Variants in SNX4 observed in about 807,000 individuals in gnomAD.
The protein encoded by SNX4 is sorting nexin 4.
Under a neutral mutation model 70.8 loss-of-function variants are expected in SNX4, and 49 were observed. That is an observed-to-expected ratio of 0.69 (90% CI 0.55 to 0.88). The LOEUF is 0.88. Among genes scored for constraint, SNX4 ranks in the 40% least tolerant of loss-of-function variants. The pLI, the probability that SNX4 is intolerant of heterozygous loss-of-function variation, is 0.00. For missense variants in SNX4, 528 were observed against 544.8 expected (o/e 0.97, Z 0.31); for synonymous variants, 206 against 183.8 (o/e 1.12, Z -0.98).
At chr3:125,451,068 C>A (rs1262512962) in intron 13 of SNX4, among the ~76,000 whole-genome samples, 1 of 151,956 alleles carries the variant, frequency 6.6e-6, no homozygotes, top group Non-Finnish European at 1.5e-5. Context: ...GAGTTCGAGA[C>A]CAGCCTGGGC....
Position 125,497,340 on chromosome 3 carries a change from C to T in SNX4, c.597+1G>A, listed in dbSNP as rs778873657. The T allele has an allele frequency of 1.2e-6, 2 of 1,602,478 alleles. No homozygotes were observed. Among genetic ancestry groups the T allele is most frequent in the Non-Finnish European group, 1.7e-6 (2 of 1,170,670 alleles). On this transcript the variant is annotated splice_donor_variant, in intron 5 of 13. Coordinates refer to ENST00000251775, the MANE Select transcript of SNX4 (RefSeq NM_003794.4). LOFTEE classifies it high-confidence loss of function. ...GGCAAATTTCATATAAATATTCTTACCTTCAGCTGAAACCCAGTTTCATTC... is the reference window on the plus strand; with the variant it reads ...GGCAAATTTCATATAAATATTCTTATCTTCAGCTGAAACCCAGTTTCATTC...
At chr3:125,475,768 G>T (rs985222276) in intron 8 of SNX4, among the ~76,000 whole-genome samples, 6 of 152,210 alleles carry the variant, frequency 3.9e-5, no homozygotes, top group Admixed American at 3.9e-4. Flanking sequence ...CCTGAGCTCA[G>T]GAGGTCAAGA....
intron 9 of SNX4, among the ~76,000 whole-genome samples, chr3:125,465,859 T>G (rs1182899583): frequency 6.6e-6 from 1 of 152,110 alleles, no homozygotes; most frequent in East Asian, 1.9e-4. Flanking sequence ...GCCAGCCTGG[T>G]CTCAAACTCC....
At chr3:125,470,831 G>GT (rs1934151523) in intron 8 of SNX4, among the ~76,000 whole-genome samples, 1 of 152,086 alleles carries the variant, frequency 6.6e-6, no homozygotes, top group Admixed American at 6.6e-5. Flanking sequence ...ACGAGACTTT[G>GT]TTTAAACATA....
At chr3:125,448,328 T>A (rs979667041) in intron 13 of SNX4, among the ~76,000 whole-genome samples, 2 of 150,316 alleles carry the variant, frequency 1.3e-5, no homozygotes, top group African/African-American at 4.9e-5. Context: ...AGAAATGGAA[T>A]CTCACTATGT....
intron 2 of SNX4, among the ~76,000 whole-genome samples, chr3:125,501,862 A>C (rs1397295524): frequency 6.6e-6 from 1 of 152,218 alleles, no homozygotes; most frequent in Non-Finnish European, 1.5e-5. Flanking sequence ...ATCTACTTAA[A>C]TATGTATTCA....
At chr3:125,456,391 T>C (rs548998009) in intron 11 of SNX4, among the ~76,000 whole-genome samples, 1 of 152,280 alleles carries the variant, frequency 6.6e-6, no homozygotes, top group South Asian at 2.1e-4. Flanking sequence ...CTAGGCATGG[T>C]GGCTTACCCC....
At position 125,461,513 on chromosome 3, in the gene SNX4, A is replaced by C. The variant is rs370138185; in HGVS notation, c.855-653T>G. 2.6e-5 allele frequency among the ~76,000 whole-genome samples: 4 copies of C among 152,366 alleles called. No homozygotes were observed. In the East Asian group the frequency reaches 7.7e-4, roughly 29 times the overall value. On this transcript the variant is annotated intron_variant, in intron 9 of 13. Transcript: ENST00000251775. ...GTTCAAAGACATACATAAAAGGGCTACAAAATCTGTAGAAAGAATAAGAGT... is the reference window on the plus strand; with the variant it reads ...GTTCAAAGACATACATAAAAGGGCTCCAAAATCTGTAGAAAGAATAAGAGT...
intron 2 of SNX4, among the ~76,000 whole-genome samples, chr3:125,503,381 G>A (rs28636934): frequency 6.6e-6 from 1 of 152,082 alleles, no homozygotes; most frequent in Non-Finnish European, 1.5e-5. Flanking sequence ...CCTTTCTTTA[G>A]ACAAAACAAC....
intron 1 of SNX4, among the ~76,000 whole-genome samples, chr3:125,508,667 T>C (rs940630205): frequency 1.1e-4 from 17 of 152,254 alleles, no homozygotes; most frequent in African/African-American, 3.9e-4. Context: ...AACGTGGTAC[T>C]GTCATAAAGA....
chr3:125,460,922 G>C, intron 9 of SNX4, 62 bp from the exon 10 acceptor site: 1 of 861,320 alleles, frequency 1.2e-6, no homozygotes, highest in Non-Finnish European at 1.8e-6. Context: ...CAAAGTATTA[G>C]GGTTCTAGAG....
intron 9 of SNX4, among the ~76,000 whole-genome samples, chr3:125,464,954 A>G (rs1933972562): frequency 6.6e-6 from 1 of 152,094 alleles, no homozygotes; most frequent in South Asian, 2.1e-4. Flanking sequence ...CATGTTGACC[A>G]GGCTGGTCTT....
At chr3:125,483,111 C>A (rs1934452464) in intron 6 of SNX4, among the ~76,000 whole-genome samples, 1 of 150,640 alleles carries the variant, frequency 6.6e-6, no homozygotes, top group African/African-American at 2.4e-5. Flanking sequence ...ATATTATGTA[C>A]TCCAAAACAT....
chr3:125,471,487 T>C (rs559387532), intron 8 of SNX4, among the ~76,000 whole-genome samples: 2 of 152,308 alleles, frequency 1.3e-5, no homozygotes, highest in Admixed American at 1.3e-4. Context: ...GGTGTGCCTT[T>C]GCACATAGCT....
chr3:125,452,424 A>G (rs949093126), intron 12 of SNX4, among the ~76,000 whole-genome samples: 3 of 151,958 alleles, frequency 2.0e-5, no homozygotes, highest in Non-Finnish European at 4.4e-5. Context: ...TCACAACCAA[A>G]GTTTAAAAAC....
chr3:125,519,961 C>CAGCT, intron 1 of SNX4, 71 bp downstream of exon 1: 1 of 1,172,776 alleles, frequency 8.5e-7, no homozygotes, highest in Non-Finnish European at 1.1e-6. Flanking sequence ...CCAGCCCAGC[C>CAGCT]CAGCCCAGCC....
At chr3:125,477,108 G>T (rs975606823) in intron 7 of SNX4, among the ~76,000 whole-genome samples, 1 of 152,098 alleles carries the variant, frequency 6.6e-6, no homozygotes, top group Admixed American at 6.6e-5. Context: ...AGCATTCCTT[G>T]TTGAATAATC....
intron 10 of SNX4, among the ~76,000 whole-genome samples, chr3:125,460,120 G>A (rs969309312): frequency 6.6e-6 from 1 of 151,176 alleles, no homozygotes; most frequent in Non-Finnish European, 1.5e-5. Flanking sequence ...TTTGAACCCG[G>A]GACGTGGAGG....
rs974607215 is a variant in SNX4 at position 125,496,203 on chromosome 3, C to T, written c.597+1138G>A. Among the ~76,000 whole-genome samples, 8 of 152,030 alleles carry T rather than the reference C, an allele frequency of 5.3e-5. 1 individual carries two copies. Among genetic ancestry groups the T allele is most frequent in the Middle Eastern group, 3.2e-3 (1 of 316 alleles). ...CAGCTACTTGGGAGGCTGAGGCAGG[C>T]GGATCGCTTGAGTCCAGGAGTTCAA... On this transcript the variant is annotated intron_variant, in intron 5 of 13. Coordinates refer to ENST00000251775, the MANE Select transcript of SNX4 (RefSeq NM_003794.4).
Sources: gnomAD v4.1 joint callset for allele counts (sites outside exome capture counted in the v4.1 genomes callset) on GRCh38, gnomAD v4.1.1 for gene constraint, MANE v1.5 for transcripts, NCBI Gene and HGNC (gene_info 2026-07-23, HGNC 2026-07-21) for gene names.